The following APCDD1L variants were observed in gnomAD, a reference collection of about 807,000 sequenced individuals.
APCDD1L encodes the protein protein APCDD1-like.
APCDD1L carries 21 observed loss-of-function variants against 24.2 expected under a neutral mutation model. That is an observed-to-expected ratio of 0.87 (90% CI 0.61 to 1.25). The LOEUF is 1.25. APCDD1L is among the 50% of genes most tolerant of loss of function. APCDD1L has a pLI of 0.00. For missense variants in APCDD1L, 704 were observed against 711.7 expected (o/e 0.99, Z 0.12); for synonymous variants, 321 against 323.6 (o/e 0.99, Z 0.09).
At chr20:58,513,816 C>T (rs775563300) in intron 1 of APCDD1L, 93 of 1,180,308 alleles carry the variant, frequency 7.9e-5, no homozygotes, top group South Asian at 2.4e-4. Context: ...GCCATGCTTA[C>T]CCAAAGCCAG....
Position 58,484,227 on chromosome 20 carries a change from A to C in APCDD1L, c.50-13480T>G, listed in dbSNP as rs1990078466. Among the ~76,000 whole-genome samples the C allele has an allele frequency of 2.0e-5, 3 of 152,232 alleles. No individual in the cohort carries two copies. In the South Asian group the frequency reaches 6.2e-4, roughly 32 times the overall value. Reference sequence around the variant, plus strand: ...CTTTTATGCCATACATAGGGCAAAAAAAGAATAAATCAGAAAATGAGAAAA... The same window carrying C: ...CTTTTATGCCATACATAGGGCAAAACAAGAATAAATCAGAAAATGAGAAAA... On this transcript the variant is annotated intron_variant, in intron 1 of 3. Transcript: ENST00000371149.
chr20:58,478,263 C>G (rs1165872180), intron 1 of APCDD1L, among the ~76,000 whole-genome samples: 2 of 152,058 alleles, frequency 1.3e-5, no homozygotes, highest in African/African-American at 2.4e-5. Flanking sequence ...AGCTCTGATT[C>G]CTTTTATTGG....
At chr20:58,495,141 C>T (rs1260599494) in intron 1 of APCDD1L, among the ~76,000 whole-genome samples, 1 of 152,238 alleles carries the variant, frequency 6.6e-6, no homozygotes, top group Non-Finnish European at 1.5e-5. Context: ...ACACCTCTGT[C>T]TCCCTCAACT....
rs1004539545 is a variant in APCDD1L, at chr20:58,508,973, CGTGTGTGTGCAT to C, written c.49+5674_49+5685del. Among the ~76,000 whole-genome samples, 7 of 145,000 alleles carry C rather than the reference CGTGTGTGTGCAT, an allele frequency of 4.8e-5. No homozygotes were observed. The highest frequency in any genetic ancestry group is 1.0e-4 in the Non-Finnish European group (7 of 66,780). On this transcript the variant is annotated intron_variant, in intron 1 of 3. Transcript: ENST00000371149. The surrounding 1 kb of genome is among the most constrained non-coding windows in gnomAD (Gnocchi z 4.0). ...GTGTGCATGTGTGTCTGTGTGCGCA[CGTGTGTGTGCAT>C]GTGCATGCGTGTGTGTGTGTGTGTG...
intron 1 of APCDD1L, among the ~76,000 whole-genome samples, chr20:58,505,002 C>A (rs1990506706): frequency 6.6e-6 from 1 of 152,186 alleles, no homozygotes; most frequent in Non-Finnish European, 1.5e-5. Flanking sequence ...GTAAACCCAG[C>A]TCTTTTCCTT....
At chr20:58,471,089 G>A (rs1989803975) in intron 1 of APCDD1L, among the ~76,000 whole-genome samples, 2 of 152,188 alleles carry the variant, frequency 1.3e-5, no homozygotes, top group Non-Finnish European at 2.9e-5. Context: ...GACCTTCCAC[G>A]GGCTCATCAG....
At position 58,467,708 on chromosome 20, in the gene APCDD1L, C is replaced by G. The variant is rs780818619; in HGVS notation, c.189-50G>C. On this transcript the variant is annotated intron_variant, in intron 2 of 3. Transcript: ENST00000371149. This position sits in a 1 kb window ranked among gnomAD's most constrained non-coding sequence, Gnocchi z 5.9. ...TGGGTGCAGAGGGAACACCGCGCCG[C>G]GAGCCCCTCTCCCCTCTGGGCTGGG... 1 of 1,399,714 alleles carries G rather than the reference C, an allele frequency of 7.1e-7. No homozygotes were observed. Among genetic ancestry groups the G allele is most frequent in the Non-Finnish European group, 9.3e-7 (1 of 1,074,582 alleles). 86.7% of individuals were successfully genotyped at this position (1,399,714 alleles called of 1,614,324 possible).
intron 1 of APCDD1L, among the ~76,000 whole-genome samples, chr20:58,477,195 G>A (rs139909208): frequency 9.1e-4 from 138 of 152,314 alleles, no homozygotes; most frequent in African/African-American, 3.1e-3. Flanking sequence ...CATCAATACA[G>A]TGTTCTTAAC....
At chr20:58,502,593 AT>A (rs1600876885) in intron 1 of APCDD1L, among the ~76,000 whole-genome samples, 1 of 152,226 alleles carries the variant, frequency 6.6e-6, no homozygotes, top group Non-Finnish European at 1.5e-5. Flanking sequence ...ATGAAGAGAC[AT>A]TCTCACCACT....
chr20:58,461,496 G>C lies in APCDD1L; in HGVS notation c.800C>G (p.Pro267Arg). ...GGCCAGAGGGGGCGGCAGCACGGGC[G>C]GGTGGTGCACATCGGAGCGGGCAAT... ...GLIARSDVHH[P>R]PVLPPPLALP... Residue 267 changes from proline (P) to arginine (R), a missense_variant, in exon 4 of 4, where the codon CCG becomes CGG. Pro to Arg is a moderately radical substitution (Grantham distance 103, BLOSUM62 -2). Transcript: ENST00000371149. The surrounding 1 kb of genome is among the most constrained non-coding windows in gnomAD (Gnocchi z 6.0). The C allele has an allele frequency of 6.8e-7, 1 of 1,463,052 alleles. No homozygotes were observed. Among genetic ancestry groups the C allele is most frequent in the Non-Finnish European group, 9.1e-7 (1 of 1,104,504 alleles). The allele number at this position is 1,463,052 out of a possible 1,614,324, so 90.6% of individuals were successfully genotyped here.
At chr20:58,502,307 G>T (rs6128357) in intron 1 of APCDD1L, among the ~76,000 whole-genome samples, 68,607 of 151,978 alleles carry the variant, frequency 0.45, 17,563 homozygotes, top group East Asian at 0.71. Flanking sequence ...CACCATGTTG[G>T]CCAGGCTGGT....
At chr20:58,509,929 A>T (rs924932438) in intron 1 of APCDD1L, among the ~76,000 whole-genome samples, 1 of 152,144 alleles carries the variant, frequency 6.6e-6, no homozygotes, top group Non-Finnish European at 1.5e-5. Context: ...TCCAGGAACC[A>T]GCCCCTGCCA....
At chr20:58,469,575 C>T (rs1989773976) in intron 2 of APCDD1L, among the ~76,000 whole-genome samples, 1 of 152,210 alleles carries the variant, frequency 6.6e-6, no homozygotes, top group African/African-American at 2.4e-5. Context: ...CAACCAGCGT[C>T]CCCCCTTCCT....
In APCDD1L at chr20:58,467,968, T is replaced by C. The variant is rs142786358; in HGVS notation, c.189-310A>G. ...ACCCGCTGGCCTGGGAGCTCCGGGA[T>C]GCCCTGCCTGCTTCCTCCCCCGCTG... On this transcript the variant is annotated intron_variant, in intron 2 of 3. Transcript: ENST00000371149. This position sits in a 1 kb window ranked among gnomAD's most constrained non-coding sequence, Gnocchi z 5.9. Among the ~76,000 whole-genome samples the C allele has an allele frequency of 6.6e-6, 1 of 152,116 alleles. No individual in the cohort carries two copies. The highest frequency in any genetic ancestry group is 1.5e-5 in the Non-Finnish European group (1 of 68,012).
intron 1 of APCDD1L, among the ~76,000 whole-genome samples, chr20:58,481,335 T>G (rs1181834554): frequency 1.3e-5 from 2 of 152,188 alleles, no homozygotes; most frequent in Non-Finnish European, 2.9e-5. Flanking sequence ...TTTTGACACA[T>G]TCAATAAGAA....
At position 58,494,509 on chromosome 20, in the gene APCDD1L, AT is replaced by A. The variant is rs11464052; in HGVS notation, c.49+20149del. ...CACTGCCACACTCAGCTAATTTTTA[AT>A]TTTTTTTTTGGTAGAGATGGGGTCT... On this transcript the variant is annotated intron_variant, in intron 1 of 3. Transcript: ENST00000371149. This position sits in a 1 kb window ranked among gnomAD's most constrained non-coding sequence, Gnocchi z 4.8. Among the ~76,000 whole-genome samples, 5 of 149,526 alleles carry A rather than the reference AT, an allele frequency of 3.3e-5. No homozygotes were observed. The highest frequency in any genetic ancestry group is 3.0e-5 in the Non-Finnish European group (2 of 67,380).
At chr20:58,489,414 T>G (rs1990180735) in intron 1 of APCDD1L, among the ~76,000 whole-genome samples, 1 of 151,722 alleles carries the variant, frequency 6.6e-6, no homozygotes, top group Non-Finnish European at 1.5e-5. Flanking sequence ...TCAGGTGCGG[T>G]GGCTCACACC....
At chr20:58,500,355 G>A (rs1469420041) in intron 1 of APCDD1L, among the ~76,000 whole-genome samples, 4 of 152,136 alleles carry the variant, frequency 2.6e-5, no homozygotes, top group Non-Finnish European at 5.9e-5. Context: ...GGCATGCTGA[G>A]TCTTCTGGCA....
At chr20:58,491,482 ATC>A (rs3975179) in intron 1 of APCDD1L, among the ~76,000 whole-genome samples, 4,281 of 152,274 alleles carry the variant, frequency 0.028, 267 homozygotes, top group East Asian at 0.22. Context: ...GAGGGAATAT[ATC>A]ATTTACAACA....
Sources: allele counts gnomAD v4.1 joint callset (sites outside exome capture counted in the v4.1 genomes callset), GRCh38; gene constraint gnomAD v4.1.1; non-coding constraint Gnocchi (gnomAD v3.1); transcripts MANE v1.5; gene names NCBI Gene and HGNC (gene_info 2026-07-23, HGNC 2026-07-21).